GSPT1: variants seen among roughly 807,000 people sequenced by gnomAD.
GSPT1 encodes the protein eukaryotic peptide chain release factor GTP-binding subunit ERF3A.
A neutral mutation model predicts 72.5 loss-of-function variants in GSPT1; 20 were observed. The ratio of observed to expected loss-of-function variants is 0.28; its 90% CI spans 0.19 to 0.40. The LOEUF (loss-of-function observed/expected upper bound fraction) is 0.40. GSPT1 is among the 10% of genes least tolerant of loss of function. The probability of loss-of-function intolerance (pLI) is 1.00; values close to 1 mark genes in which losing one functional copy is unlikely to be tolerated. For missense variants in GSPT1, 580 were observed against 811.9 expected, an observed-to-expected ratio of 0.71 and a Z score of 3.47; for synonymous variants, 334 against 293.5, an observed-to-expected ratio of 1.14 and a Z score of -1.41.
Position 11,887,423 on chromosome 16 carries a change from G to C in GSPT1, c.957+147C>G, listed in dbSNP as rs2054198214. 6 of 636,320 alleles carry C rather than the reference G, an allele frequency of 9.4e-6. No homozygotes were observed. The East Asian group carries it at 1.1e-4, about 12-fold the overall frequency. 39.4% of individuals were successfully genotyped at this position (636,320 alleles called of 1,614,324 possible). On this transcript the variant is annotated intron_variant, in intron 7 of 14. Coordinates refer to ENST00000434724, the MANE Select transcript of GSPT1 (RefSeq NM_002094.4). ...TCAAATTTTGAAGATTTCTTGAAGA[G>C]AGATTAGTATGATGAAAACTGTGAC...
chr16:11,911,607 C>T (rs2054557740), intron 1 of GSPT1, among the ~76,000 whole-genome samples: 1 of 146,006 alleles, frequency 6.8e-6, no homozygotes, highest in African/African-American at 2.6e-5. Flanking sequence ...GGCTAGAGTG[C>T]AGTGGTGTGA....
chr16:11,870,293 GAA>G lies in GSPT1; in HGVS notation c.*2824_*2825del, dbSNP rs1567430707. 6.6e-6 allele frequency: 1 copy of G among 152,088 alleles called. No homozygotes were observed. The highest frequency in any genetic ancestry group is 1.5e-5 in the Non-Finnish European group (1 of 67,998). 9.4% of individuals were successfully genotyped at this position (152,088 alleles called of 1,614,324 possible). A position where few individuals can be genotyped will look rare whatever the true frequency, so the allele number is the denominator to read the frequency against. ...TGTATTTCCCCCTCTCCCACAGTAAGAAACAAGGGTTTAAAATGGCAATTACT... is the reference window on the plus strand; with the variant it reads ...TGTATTTCCCCCTCTCCCACAGTAAGACAAGGGTTTAAAATGGCAATTACT... On this transcript the variant is annotated 3_prime_UTR_variant, in exon 15 of 15. Transcript: ENST00000434724.
At chr16:11,887,028 T>G in intron 7 of GSPT1, 97 bp from the exon 8 acceptor site, 2 of 993,296 alleles carry the variant, frequency 2.0e-6, no homozygotes, top group South Asian at 3.5e-5. Context: ...CGAGTTTTTT[T>G]TTTTTTTTTT....
At chr16:11,886,376 C>A in intron 9 of GSPT1, 95 bp downstream of exon 9, 1 of 727,710 alleles carries the variant, frequency 1.4e-6, no homozygotes, top group South Asian at 2.1e-5. Flanking sequence ...TGCTCAAAAG[C>A]ATATGTTAAC....
In GSPT1 at chr16:11,869,531, A is replaced by G. The variant is rs1404130885; in HGVS notation, c.*3588T>C. ...CCAACAATGAATATAACATTTAACC[A>G]TCCTAAAATCAGAGCTATAGTGCTA... On this transcript the variant is annotated 3_prime_UTR_variant, in exon 15 of 15. Coordinates refer to ENST00000434724, the MANE Select transcript of GSPT1 (RefSeq NM_002094.4). 1 of 152,246 alleles carries G rather than the reference A, an allele frequency of 6.6e-6. No individual in the cohort carries two copies. Among genetic ancestry groups the G allele is most frequent in the Non-Finnish European group, 1.5e-5 (1 of 68,034 alleles). 9.4% of individuals were successfully genotyped at this position (152,246 alleles called of 1,614,324 possible).
rs2053983182 is a variant in GSPT1, at chr16:11,871,848, T to C, written c.*1271A>G. ...AAGTCATGATAATTATAGCAGAGAGTCATTCAATCTAAAACCCACACAATG... is the reference window on the plus strand; with the variant it reads ...AAGTCATGATAATTATAGCAGAGAGCCATTCAATCTAAAACCCACACAATG... On this transcript the variant is annotated 3_prime_UTR_variant, in exon 15 of 15. Coordinates refer to ENST00000434724, the MANE Select transcript of GSPT1 (RefSeq NM_002094.4). 1 of 151,996 alleles carries C rather than the reference T, an allele frequency of 6.6e-6. No individual in the cohort carries two copies. The highest frequency in any genetic ancestry group is 1.5e-5 in the Non-Finnish European group (1 of 68,008). 9.4% of individuals were successfully genotyped at this position (151,996 alleles called of 1,614,324 possible).
chr16:11,891,047 A>G lies in GSPT1; in HGVS notation c.776+15T>C, dbSNP rs769505161. The G allele has an allele frequency of 8.2e-7, 1 of 1,217,094 alleles. No individual in the cohort carries two copies. Among genetic ancestry groups the G allele is most frequent in the South Asian group, 1.4e-5 (1 of 73,172 alleles). The allele number at this position is 1,217,094 out of a possible 1,614,324, so 75.4% of individuals were successfully genotyped here. A position where few individuals can be genotyped will look rare whatever the true frequency, so the allele number is the denominator to read the frequency against. On this transcript the variant is annotated intron_variant, in intron 6 of 14. Coordinates refer to ENST00000434724, the MANE Select transcript of GSPT1 (RefSeq NM_002094.4). ...CTTAAAAGTAATTTATAAGTGTCAT[A>G]AAAGTTTACTATACCAAGTTTCTCT...
intron 1 of GSPT1, among the ~76,000 whole-genome samples, chr16:11,909,879 T>C (rs2054535759): frequency 6.6e-6 from 1 of 152,034 alleles, no homozygotes; most frequent in Non-Finnish European, 1.5e-5. Flanking sequence ...TGAGCCGAGT[T>C]AGGGCCACTG....
At position 11,892,689 on chromosome 16, in the gene GSPT1, C is replaced by T. The variant is rs572907957; in HGVS notation, c.699-1550G>A. Among the ~76,000 whole-genome samples, 9 of 148,976 alleles carry T rather than the reference C, an allele frequency of 6.0e-5. 1 individual carries two copies. The highest frequency in any genetic ancestry group is 1.7e-4 in the African/African-American group (7 of 40,506). On this transcript the variant is annotated intron_variant, in intron 5 of 14. Transcript: ENST00000434724. Reference sequence around the variant, plus strand: ...TAAAAATACAAAAAAATTAGCCAGACGTGGTGGTGCATGCCTGTAATCCCA... The same window carrying T: ...TAAAAATACAAAAAAATTAGCCAGATGTGGTGGTGCATGCCTGTAATCCCA...
intron 10 of GSPT1, among the ~76,000 whole-genome samples, chr16:11,884,462 G>A (rs565290935): frequency 2.0e-5 from 3 of 152,274 alleles, no homozygotes; most frequent in Non-Finnish European, 2.9e-5. Flanking sequence ...ATGTTATGTT[G>A]TTAATAAAGT....
In GSPT1 at chr16:11,875,795, G is replaced by T; in HGVS notation, c.1827C>A (p.Phe609Leu). 1 of 1,612,402 alleles carries T rather than the reference G, an allele frequency of 6.2e-7. No individual in the cohort carries two copies. Among genetic ancestry groups the T allele is most frequent in the Non-Finnish European group, 8.5e-7 (1 of 1,179,628 alleles). ...GTICLETFKDFPQMGRFTLRD... is the reference protein window; with the variant it reads ...GTICLETFKDLPQMGRFTLRD... Reference sequence around the variant, plus strand: ...TTAAGGTGAAACGACCCATCTGAGGGAAGTCTTTAAAGGTCTCAAGGCAGA... The same window carrying T: ...TTAAGGTGAAACGACCCATCTGAGGTAAGTCTTTAAAGGTCTCAAGGCAGA... Residue 609 changes from phenylalanine to leucine, a missense_variant, in exon 14 of 15, where the codon TTC (phenylalanine) becomes TTA (leucine). By Grantham distance (22) the Phe-to-Leu change is conservative. Transcript: ENST00000434724.
intron 3 of GSPT1, among the ~76,000 whole-genome samples, chr16:11,897,334 C>G (rs2054352663): frequency 1.3e-5 from 2 of 152,134 alleles, no homozygotes; most frequent in South Asian, 4.2e-4. Flanking sequence ...CACCTGTAAT[C>G]CCAGCACTTT....
intron 1 of GSPT1, among the ~76,000 whole-genome samples, chr16:11,911,055 C>A (rs1596477609): frequency 6.6e-6 from 1 of 152,362 alleles, no homozygotes; most frequent in South Asian, 2.1e-4. Context: ...GGCCTCTCCT[C>A]TACCCCATCT....
intron 7 of GSPT1, among the ~76,000 whole-genome samples, chr16:11,887,232 GA>G (rs1381157107): frequency 6.6e-6 from 1 of 152,026 alleles, no homozygotes; most frequent in Non-Finnish European, 1.5e-5. Context: ...AGTACATTGT[GA>G]AAAGCGCAAA....
At chr16:11,894,808 T>A in intron 5 of GSPT1, 146 bp downstream of exon 5, 1 of 569,258 alleles carries the variant, frequency 1.8e-6, no homozygotes, top group African/African-American at 1.9e-5. Context: ...CTTCTTAACA[T>A]CAGTATTGTG....
intron 1 of GSPT1, among the ~76,000 whole-genome samples, chr16:11,906,392 A>T (rs1041453186): frequency 6.6e-6 from 1 of 152,198 alleles, no homozygotes; most frequent in African/African-American, 2.4e-5. Context: ...GCACTTTGGG[A>T]GGCCAAGCTA....
chr16:11,892,514 C>CAA (rs1555504691), intron 5 of GSPT1, among the ~76,000 whole-genome samples: 1 of 122,510 alleles, frequency 8.2e-6, no homozygotes, highest in Non-Finnish European at 1.6e-5. Context: ...CTCAAAAAAA[C>CAA]AAAAAAAACA....
At chr16:11,895,173 G>C in intron 4 of GSPT1, 186 bp from the exon 5 acceptor site, 1 of 490,444 alleles carries the variant, frequency 2.0e-6, no homozygotes, top group South Asian at 2.3e-5. Flanking sequence ...GCTCACGCCT[G>C]TAATTCCAGC....
At chr16:11,880,192 T>C (rs1198432777) in intron 11 of GSPT1, 1 of 152,348 alleles carries the variant, frequency 6.6e-6, no homozygotes, top group Non-Finnish European at 1.5e-5. Context: ...GGCTGTGCAA[T>C]ATTCTATTAC....
Sources: allele counts gnomAD v4.1 joint callset (sites outside exome capture counted in the v4.1 genomes callset), GRCh38; gene constraint gnomAD v4.1.1; transcripts MANE v1.5; gene names NCBI Gene and HGNC (gene_info 2026-07-23, HGNC 2026-07-21).